Variants in SHISAL2B observed in about 807,000 individuals in gnomAD.
The protein encoded by SHISAL2B is protein shisa-like-2B.
A neutral mutation model predicts 16.5 loss-of-function variants in SHISAL2B; 12 were observed. The ratio of observed to expected loss-of-function variants is 0.73; its 90% confidence interval spans 0.47 to 1.18. The LOEUF is 1.18. SHISAL2B is among the 50% of genes most tolerant of loss of function. The pLI is 0.00. For synonymous variants in SHISAL2B, 72 were observed against 75.0 expected, an observed-to-expected ratio of 0.96 and a Z score of 0.21; for missense variants, 183 against 193.6, an observed-to-expected ratio of 0.95 and a Z score of 0.33.
chr5:64,718,078 CG>C lies in SHISAL2B; in HGVS notation c.*57del. On this transcript the variant is annotated 3_prime_UTR_variant, in exon 3 of 3. Transcript: ENST00000389074. ...GAGAGATGGGACAATAAAAATAAAG[CG>C]TGCACTTGAAACGGTTTGTAATATT... 1 of 1,396,026 alleles carries C rather than the reference CG, an allele frequency of 7.2e-7. No homozygotes were observed. The highest frequency in any genetic ancestry group is 9.3e-7 in the Non-Finnish European group (1 of 1,072,700). 86.5% of individuals were successfully genotyped at this position (1,396,026 alleles called of 1,614,324 possible).
In SHISAL2B at chr5:64,717,972, A is replaced by G. The variant is rs1314668501; in HGVS notation, c.433A>G (p.Ile145Val). ...TGAAACATACTATGAAGCTGATGAT[A>G]TAATTCAAGAAAAAACAATGGATGC... ...TNETYYEADDIIQEKTMDATQ... is the reference protein window; with the variant it reads ...TNETYYEADDVIQEKTMDATQ... The change falls in exon 3 of 3, where the codon ATA (isoleucine) becomes GTA (valine). Residue 145 changes from isoleucine (I) to valine (V), a missense_variant. Physicochemically the swap from Ile to Val is conservative, Grantham distance 29. Transcript: ENST00000389074. 2.6e-6 allele frequency: 4 copies of G among 1,521,736 alleles called. No individual in the cohort carries two copies. Among genetic ancestry groups the G allele is most frequent in the South Asian group, 1.3e-5 (1 of 79,674 alleles). The allele number at this position is 1,521,736 out of a possible 1,614,324, so 94.3% of individuals were successfully genotyped here. A position where few individuals can be genotyped will look rare whatever the true frequency, so the allele number is the denominator to read the frequency against.
intron 2 of SHISAL2B, among the ~76,000 whole-genome samples, chr5:64,705,710 A>G (rs147392603): frequency 0.01 from 1,548 of 152,368 alleles, 24 homozygotes; most frequent in African/African-American, 0.035. Context: ...AATCCAAAAT[A>G]TCTGAGACAG....
chr5:64,692,408 G>A (rs1387950274), intron 1 of SHISAL2B, among the ~76,000 whole-genome samples: 1 of 152,246 alleles, frequency 6.6e-6, no homozygotes, highest in African/African-American at 2.4e-5. Context: ...AATGGACAGT[G>A]CAGCTCCATT....
intron 2 of SHISAL2B, among the ~76,000 whole-genome samples, chr5:64,696,084 T>C (rs927375420): frequency 4.6e-5 from 7 of 152,204 alleles, no homozygotes; most frequent in Non-Finnish European, 2.9e-5. Flanking sequence ...AAGATTTCAT[T>C]TTAATATGGA....
In SHISAL2B at chr5:64,710,645, G is replaced by A. The variant is rs1269729003; in HGVS notation, c.350-7244G>A. On this transcript the variant is annotated intron_variant, in intron 2 of 2. Transcript: ENST00000389074. ...CCTTGGGCAGTATGGCCATTTTCAC[G>A]ATATTGATTCTTCCTACCCATGAGC... 6.6e-5 allele frequency among the ~76,000 whole-genome samples: 7 copies of A among 105,730 alleles called. No individual in the cohort carries two copies. In the East Asian group the frequency reaches 7.7e-4, roughly 12 times the overall value. 69.4% of individuals were successfully genotyped at this position (105,730 alleles called of 152,430 possible).
At chr5:64,705,066 C>CA (rs1316053209) in intron 2 of SHISAL2B, among the ~76,000 whole-genome samples, 1 of 151,746 alleles carries the variant, frequency 6.6e-6, no homozygotes, top group African/African-American at 2.4e-5. Flanking sequence ...AGAAGCCAAT[C>CA]AAAAAAAATC....
chr5:64,702,215 TTTGAGATGGAGTTTTGCTC>T (rs1359451904), intron 2 of SHISAL2B, among the ~76,000 whole-genome samples: 1 of 152,150 alleles, frequency 6.6e-6, no homozygotes, highest in Non-Finnish European at 1.5e-5. Context: ...AATTTTTTTT[TTTGAGATGGAGTTTTGCTC>T]TTGTCGGCCA....
At position 64,718,043 on chromosome 5, in the gene SHISAL2B, A is replaced by G; in HGVS notation, c.*21A>G. 1 of 1,491,228 alleles carries G rather than the reference A, an allele frequency of 6.7e-7. No individual in the cohort carries two copies. The highest frequency in any genetic ancestry group is 1.3e-5 in the South Asian group (1 of 75,412). 92.4% of individuals were successfully genotyped at this position (1,491,228 alleles called of 1,614,324 possible). On this transcript the variant is annotated 3_prime_UTR_variant, in exon 3 of 3. Transcript: ENST00000389074. ...ATTAACTAAAAATTCTGTGTTTTAA[A>G]TGCTTACTGGAGAGATGGGACAATA...
At chr5:64,692,791 C>T (rs1741668216) in intron 1 of SHISAL2B, among the ~76,000 whole-genome samples, 1 of 152,086 alleles carries the variant, frequency 6.6e-6, no homozygotes, top group South Asian at 2.1e-4. Context: ...GTGTCTGGCC[C>T]CTTCCCATCT....
chr5:64,696,340 CAT>C (rs1412939944), intron 2 of SHISAL2B, among the ~76,000 whole-genome samples: 8 of 152,148 alleles, frequency 5.3e-5, no homozygotes, highest in Non-Finnish European at 8.8e-5. Flanking sequence ...GATTGTAAAA[CAT>C]GTGTGTTTGA....
At chr5:64,692,456 A>T (rs1246839165) in intron 1 of SHISAL2B, among the ~76,000 whole-genome samples, 1 of 152,220 alleles carries the variant, frequency 6.6e-6, no homozygotes, top group Non-Finnish European at 1.5e-5. Context: ...TGATGTTGTC[A>T]TTTGGCAGTG....
chr5:64,691,748 T>C (rs568148139), intron 1 of SHISAL2B: 1 of 152,332 alleles, frequency 6.6e-6, no homozygotes, highest in South Asian at 2.1e-4. Flanking sequence ...ACTTGATTTT[T>C]CATTTTGCTT....
At chr5:64,709,534 G>A (rs990984902) in intron 2 of SHISAL2B, among the ~76,000 whole-genome samples, 1 of 150,838 alleles carries the variant, frequency 6.6e-6, no homozygotes, top group Non-Finnish European at 1.5e-5. Flanking sequence ...ATGATTTATA[G>A]TCATTTGGGT....
chr5:64,701,120 A>G (rs1158590202), intron 2 of SHISAL2B, among the ~76,000 whole-genome samples: 1 of 152,172 alleles, frequency 6.6e-6, no homozygotes, highest in Non-Finnish European at 1.5e-5. Context: ...CTCTGTAAGT[A>G]GTTCTTATTC....
chr5:64,691,638 A>G (rs148086941), intron 1 of SHISAL2B: 1 of 152,224 alleles, frequency 6.6e-6, no homozygotes, highest in Non-Finnish European at 1.5e-5. Flanking sequence ...TTTTTCCCAT[A>G]GTGGCAATTT....
At chr5:64,694,495 A>G (rs1200632856) in intron 1 of SHISAL2B, among the ~76,000 whole-genome samples, 1 of 152,228 alleles carries the variant, frequency 6.6e-6, no homozygotes, top group African/African-American at 2.4e-5. Context: ...AGGCTTATGA[A>G]AACTGTATTT....
In SHISAL2B at chr5:64,690,678, G is replaced by A; in HGVS notation, c.55G>A (p.Val19Met). The change falls in exon 1 of 3, where the codon GTG becomes ATG. Residue 19 changes from valine (V) to methionine (M), a missense_variant. Transcript: ENST00000389074. ...SGYYSLNQSF[V>M]EPFQCPRRGE... ...CTACTACAGCCTCAACCAGAGCTTCGTGGAGCCCTTCCAGTGCCCCCGGCG... is the reference window on the plus strand; with the variant it reads ...CTACTACAGCCTCAACCAGAGCTTCATGGAGCCCTTCCAGTGCCCCCGGCG... 3 of 1,534,362 alleles carry A rather than the reference G, an allele frequency of 2.0e-6. No homozygotes were observed. The East Asian group carries it at 7.3e-5, about 38-fold the overall frequency.
At chr5:64,713,249 T>C (rs751051915) in intron 2 of SHISAL2B, among the ~76,000 whole-genome samples, 285 of 149,004 alleles carry the variant, frequency 1.9e-3, no homozygotes, top group Non-Finnish European at 3.2e-3. Context: ...TGAAAAAATC[T>C]CTCAGCATTT....
chr5:64,714,921 C>T (rs1742022734), intron 2 of SHISAL2B, among the ~76,000 whole-genome samples: 1 of 152,164 alleles, frequency 6.6e-6, no homozygotes, highest in African/African-American at 2.4e-5. Flanking sequence ...CGTGCACCCA[C>T]TGGCCTGCGC....
Sources: gnomAD v4.1 joint callset for allele counts (sites outside exome capture counted in the v4.1 genomes callset) on GRCh38, gnomAD v4.1.1 for gene constraint, MANE v1.5 for transcripts, NCBI Gene and HGNC (gene_info 2026-07-23, HGNC 2026-07-21) for gene names.